Variants in FGF14 observed in about 807,000 individuals in gnomAD.
The protein encoded by FGF14 is fibroblast growth factor 14.
In FGF14, 5 loss-of-function variants were observed where a neutral mutation model predicts 25.5. The observed-to-expected ratio is 0.20, with a 90% CI of 0.10 to 0.41. FGF14 has a LOEUF of 0.41. Among genes scored for constraint, FGF14 ranks in the 10% least tolerant of loss-of-function variants. The pLI is 1.00. For missense variants in FGF14, 222 were observed against 320.1 expected (o/e 0.69, Z 2.34); for synonymous variants, 138 against 118.3 (o/e 1.17, Z -1.08).
intron 3 of FGF14, among the ~76,000 whole-genome samples, chr13:101,822,944 T>C (rs934774693): frequency 1.3e-5 from 2 of 152,222 alleles, no homozygotes; most frequent in African/African-American, 4.8e-5. Flanking sequence ...CATTAGATTT[T>C]TTTTTAAGCT....
chr13:102,386,650 C>T (rs552029050), intron 1 of FGF14, among the ~76,000 whole-genome samples: 1 of 152,268 alleles, frequency 6.6e-6, no homozygotes, highest in South Asian at 2.1e-4. Flanking sequence ...CTGAATGACC[C>T]TGACTTCCTT....
chr13:102,155,597 A>G (rs1161071626), intron 1 of FGF14, among the ~76,000 whole-genome samples: 2 of 152,196 alleles, frequency 1.3e-5, no homozygotes, highest in Admixed American at 6.5e-5. Context: ...ATCACAATTA[A>G]AAGAACTAGA....
intron 1 of FGF14, among the ~76,000 whole-genome samples, chr13:102,093,945 C>G (rs1390070094): frequency 1.3e-5 from 2 of 148,516 alleles, no homozygotes; most frequent in Non-Finnish European, 3.0e-5. Flanking sequence ...GAAAATGCAG[C>G]TTTTATGTAG....
At chr13:101,858,804 A>G (rs3007768) in intron 3 of FGF14, among the ~76,000 whole-genome samples, 84,280 of 151,930 alleles carry the variant, frequency 0.55, 24,682 homozygotes, top group South Asian at 0.77. Flanking sequence ...TGTAGAAATA[A>G]CAAAGCTCTT....
chr13:102,304,827 T>C (rs1002797779), intron 1 of FGF14, among the ~76,000 whole-genome samples: 3 of 152,134 alleles, frequency 2.0e-5, no homozygotes, highest in Admixed American at 6.5e-5. Flanking sequence ...CCAGCTTCAG[T>C]CAACCTTCAG....
At chr13:102,225,448 A>G (rs1176880082) in intron 1 of FGF14, among the ~76,000 whole-genome samples, 3 of 152,128 alleles carry the variant, frequency 2.0e-5, no homozygotes, top group African/African-American at 7.2e-5. Flanking sequence ...CCATTATTTT[A>G]TCTTCCTTTA....
At chr13:102,167,802 T>C (rs1248324638) in intron 1 of FGF14, among the ~76,000 whole-genome samples, 2 of 152,080 alleles carry the variant, frequency 1.3e-5, no homozygotes, top group Non-Finnish European at 2.9e-5. Flanking sequence ...CTCTTTTTTT[T>C]TTTTTTTAAG....
intron 1 of FGF14, among the ~76,000 whole-genome samples, chr13:102,399,032 A>C (rs2058643302): frequency 6.6e-6 from 1 of 152,018 alleles, no homozygotes; most frequent in Non-Finnish European, 1.5e-5. Flanking sequence ...ATTCATACCC[A>C]AATACTTTAG....
At chr13:101,724,586 TATA>T (rs1190491223) in intron 4 of FGF14, among the ~76,000 whole-genome samples, 2 of 92,158 alleles carry the variant, frequency 2.2e-5, no homozygotes, top group African/African-American at 7.5e-5. Flanking sequence ...GAACTTAAAG[TATA>T]ATAATAAAAT....
chr13:101,750,831 C>T (rs1284132623), intron 3 of FGF14, among the ~76,000 whole-genome samples: 1 of 151,968 alleles, frequency 6.6e-6, no homozygotes, highest in East Asian at 1.9e-4. Flanking sequence ...ACAAGCTTTC[C>T]AGACAATGGA....
intron 1 of FGF14, among the ~76,000 whole-genome samples, chr13:102,252,331 G>A (rs1036520992): frequency 6.6e-6 from 1 of 152,134 alleles, no homozygotes; most frequent in African/African-American, 2.4e-5. Context: ...CCACTTAACT[G>A]CTGTACAACT....
chr13:101,737,483 T>C (rs1357750556), intron 3 of FGF14, among the ~76,000 whole-genome samples: 2 of 152,222 alleles, frequency 1.3e-5, no homozygotes, highest in Non-Finnish European at 2.9e-5. Flanking sequence ...ATATCAATTT[T>C]GTGTCTTGCT....
chr13:102,027,337 G>A (rs2040983432), intron 1 of FGF14, among the ~76,000 whole-genome samples: 1 of 151,360 alleles, frequency 6.6e-6, no homozygotes, highest in Admixed American at 6.6e-5. Flanking sequence ...TAATTCCACA[G>A]AGGATTTTTT....
chr13:102,034,477 A>T (rs2041372560), intron 1 of FGF14, among the ~76,000 whole-genome samples: 1 of 152,178 alleles, frequency 6.6e-6, no homozygotes, highest in Non-Finnish European at 1.5e-5. Flanking sequence ...TCTGGAAATA[A>T]GAAAGACATC....
chr13:102,070,259 C>T (rs1459401117), intron 1 of FGF14, among the ~76,000 whole-genome samples: 2 of 152,082 alleles, frequency 1.3e-5, no homozygotes, highest in Non-Finnish European at 2.9e-5. Context: ...ATACAAATGA[C>T]AAACAGGTAT....
intron 1 of FGF14, among the ~76,000 whole-genome samples, chr13:102,048,651 A>C (rs1394793590): frequency 2.6e-5 from 4 of 152,172 alleles, no homozygotes; most frequent in East Asian, 1.9e-4. Flanking sequence ...GGGGATGATG[A>C]TGCTGCACCT....
At chr13:102,161,646 G>GAAGAAGAAGAAGAAGA (rs2047730220) in intron 1 of FGF14, among the ~76,000 whole-genome samples, 1 of 14,548 alleles carries the variant, frequency 6.9e-5, no homozygotes, top group Non-Finnish European at 1.4e-4. Flanking sequence ...AGAAGAAGAA[G>GAAGAAGAAGAAGAAGA]AAGAAGAAGA....
intron 3 of FGF14, among the ~76,000 whole-genome samples, chr13:101,837,758 G>A (rs989862216): frequency 2.0e-5 from 3 of 152,010 alleles, no homozygotes; most frequent in African/African-American, 7.2e-5. Flanking sequence ...GATTGTCCTT[G>A]CGATGGTTAA....
At chr13:102,278,158 T>C (rs929947841) in intron 1 of FGF14, among the ~76,000 whole-genome samples, 1 of 152,210 alleles carries the variant, frequency 6.6e-6, no homozygotes, top group Non-Finnish European at 1.5e-5. Context: ...ATCCTTTAGA[T>C]GATCCCACTC....
Sources: gnomAD v4.1 joint callset for allele counts (sites outside exome capture counted in the v4.1 genomes callset) on GRCh38, gnomAD v4.1.1 for gene constraint, MANE v1.5 for transcripts, NCBI Gene and HGNC (gene_info 2026-07-23, HGNC 2026-07-21) for gene names.